The following DCDC2 variants were observed in gnomAD, a reference collection of about 807,000 sequenced individuals.
DCDC2 encodes doublecortin domain-containing protein 2.
Under a neutral mutation model 50.2 loss-of-function variants are expected in DCDC2, and 40 were observed. The observed-to-expected ratio is 0.80, with a 90% CI of 0.62 to 1.04. The LOEUF (loss-of-function observed/expected upper bound fraction) is 1.04, where lower values mean the gene tolerates loss of function less well. DCDC2 is among the 50% of genes least tolerant of loss of function. DCDC2 has a pLI of 0.00. For synonymous variants in DCDC2, 234 were observed against 210.6 expected (o/e 1.11, Z -0.96); for missense variants, 570 against 581.9 (o/e 0.98, Z 0.21).
chr6:24,378,433 C>T, the DCDC2 span, among the ~76,000 whole-genome samples: 2 of 152,266 alleles, frequency 1.3e-5, no homozygotes, highest in African/African-American at 4.8e-5. Flanking sequence ...ACCTCTGTCC[C>T]TTCTGCTGGG....
chr6:24,174,560 T>C lies in DCDC2; in HGVS notation c.*170A>G. On this transcript the variant is annotated 3_prime_UTR_variant, in exon 10 of 10. Transcript: ENST00000378454. ...ATAAAAGTAAGTAATTATCCTTTAG[T>C]AGCCATTTAAAGTTATCTGGTCTTT... 1 of 466,758 alleles carries C rather than the reference T, an allele frequency of 2.1e-6. No individual in the cohort carries two copies. The highest frequency in any genetic ancestry group is 3.1e-5 in the East Asian group (1 of 32,158). 28.9% of individuals were successfully genotyped at this position (466,758 alleles called of 1,614,324 possible).
chr6:24,189,952 A>T (rs1018155459), intron 8 of DCDC2, among the ~76,000 whole-genome samples: 1 of 152,098 alleles, frequency 6.6e-6, no homozygotes, highest in African/African-American at 2.4e-5. Context: ...TTCTGTTCCC[A>T]TGGAAACTAA....
At chr6:24,194,848 T>A (rs1013664338) in intron 8 of DCDC2, among the ~76,000 whole-genome samples, 6 of 152,130 alleles carry the variant, frequency 3.9e-5, no homozygotes, top group African/African-American at 1.2e-4. Flanking sequence ...TAAACTCACC[T>A]CTGAGAAAAC....
At chr6:24,268,308 GA>G (rs1561750917) in intron 7 of DCDC2, among the ~76,000 whole-genome samples, 1 of 152,104 alleles carries the variant, frequency 6.6e-6, no homozygotes, top group African/African-American at 2.4e-5. Flanking sequence ...CCAACATGGC[GA>G]AGTCCCATCT....
chr6:24,261,474 G>A lies in DCDC2; in HGVS notation c.922+16575C>T, dbSNP rs144588384. On this transcript the variant is annotated intron_variant, in intron 7 of 9. Coordinates refer to ENST00000378454, the MANE Select transcript of DCDC2 (RefSeq NM_016356.5). ...GCCTGAGTATGGGATGGGCTGGAGT[G>A]CCAGGGAGGTAATTCTCCAAGTAAA... is the stretch of plus-strand genomic sequence containing the variant. Among the ~76,000 whole-genome samples, 216 of 152,070 alleles carry A rather than the reference G, an allele frequency of 1.4e-3. 1 individual carries two copies. Among genetic ancestry groups the A allele is most frequent in the African/African-American group, 5.0e-3 (206 of 41,482 alleles).
intron 7 of DCDC2, among the ~76,000 whole-genome samples, chr6:24,243,468 A>C (rs1762605498): frequency 6.6e-6 from 1 of 152,356 alleles, no homozygotes; most frequent in South Asian, 2.1e-4. Flanking sequence ...GTCTTACCTC[A>C]TGGGGTCATT....
At chr6:24,277,740 T>C (rs1489537643) in intron 7 of DCDC2, among the ~76,000 whole-genome samples, 1 of 152,084 alleles carries the variant, frequency 6.6e-6, no homozygotes, top group African/African-American at 2.4e-5. Flanking sequence ...ACCAATATCA[T>C]AGTAGTTGTA....
At chr6:24,263,116 G>A (rs913271226) in intron 7 of DCDC2, among the ~76,000 whole-genome samples, 1 of 152,244 alleles carries the variant, frequency 6.6e-6, no homozygotes, top group Non-Finnish European at 1.5e-5. Flanking sequence ...TCTTACCCCA[G>A]ATCACCAAGA....
intron 7 of DCDC2, among the ~76,000 whole-genome samples, chr6:24,277,644 TAACA>T (rs1422496246): frequency 6.6e-6 from 1 of 152,182 alleles, no homozygotes; most frequent in Non-Finnish European, 1.5e-5. Context: ...TCAGTATAAT[TAACA>T]AAATGACTTT....
At chr6:24,193,281 T>C (rs73391965) in intron 8 of DCDC2, among the ~76,000 whole-genome samples, 5,814 of 152,002 alleles carry the variant, frequency 0.038, 361 homozygotes, top group African/African-American at 0.13. Context: ...GTAACCAAGA[T>C]AGAGGAAGAC....
At chr6:24,252,256 C>T (rs768349687) in intron 7 of DCDC2, among the ~76,000 whole-genome samples, 10 of 152,168 alleles carry the variant, frequency 6.6e-5, no homozygotes, top group African/African-American at 9.7e-5. Flanking sequence ...ATATTATATA[C>T]TTCCTTGTAC....
In DCDC2 at chr6:24,186,499, A is replaced by C. The variant is rs1761206933; in HGVS notation, c.1024-7867T>G. 2.0e-5 allele frequency among the ~76,000 whole-genome samples: 3 copies of C among 152,174 alleles called. No individual in the cohort carries two copies. The South Asian group carries it at 6.2e-4, about 31-fold the overall frequency. ...CGTGCACATGCGTGCATGTGCGCAC[A>C]CACACACTTCTTATTGAAGAACAGT... On this transcript the variant is annotated intron_variant, in intron 8 of 9. Transcript: ENST00000378454.
chr6:24,292,143 T>C (rs1453148102), intron 4 of DCDC2, among the ~76,000 whole-genome samples: 1 of 152,096 alleles, frequency 6.6e-6, no homozygotes, highest in Non-Finnish European at 1.5e-5. Flanking sequence ...CAGTCATAAT[T>C]TTACCAGATG....
chr6:24,271,224 A>AAAAAAAAG lies in DCDC2; in HGVS notation c.922+6824_922+6825insCTTTTTTT, dbSNP rs919124775. The stretch of plus-strand genomic sequence containing the variant: ...CACTCCCTCAAAAAAAAAAAAAAAA[A>AAAAAAAAG]AGAGAGAGAGAGAGAGAAAGAAAGA... On this transcript the variant is annotated intron_variant, in intron 7 of 9. Coordinates refer to ENST00000378454, the MANE Select transcript of DCDC2 (RefSeq NM_016356.5). Among the ~76,000 whole-genome samples, 653 of 142,670 alleles carry AAAAAAAAG rather than the reference A, an allele frequency of 4.6e-3. 27 individuals carry two copies. The highest frequency in any genetic ancestry group is 0.017 in the African/African-American group (610 of 36,770). The allele number at this position is 142,670 out of a possible 152,430, so 93.6% of individuals were successfully genotyped here. A position where few individuals can be genotyped will look rare whatever the true frequency, so the allele number is the denominator to read the frequency against.
At chr6:24,284,078 C>T (rs2113824428) in intron 6 of DCDC2, among the ~76,000 whole-genome samples, 1 of 152,242 alleles carries the variant, frequency 6.6e-6, no homozygotes, top group East Asian at 1.9e-4. Flanking sequence ...ATCTCTGGGC[C>T]CTGAAGCACC....
chr6:24,343,904 C>T (rs566764433), intron 2 of DCDC2, among the ~76,000 whole-genome samples: 14 of 152,152 alleles, frequency 9.2e-5, no homozygotes, highest in South Asian at 2.1e-4. Flanking sequence ...TATATGGGCA[C>T]GCTGTGGGAT....
chr6:24,358,913 T>A (rs62636446), upstream of DCDC2, among the ~76,000 whole-genome samples: 1 of 8,780 alleles, frequency 1.1e-4, no homozygotes, highest in African/African-American at 8.6e-4. Flanking sequence ...TATTATATAT[T>A]ATATATATTA....
At chr6:24,325,802 A>G (rs1381932230) in intron 2 of DCDC2, among the ~76,000 whole-genome samples, 2 of 149,240 alleles carry the variant, frequency 1.3e-5, no homozygotes, top group Non-Finnish European at 3.0e-5. Flanking sequence ...TTAAAAATAT[A>G]TATATTATAC....
At chr6:24,224,260 T>C (rs793842) in intron 7 of DCDC2, among the ~76,000 whole-genome samples, 73,960 of 152,096 alleles carry the variant, frequency 0.49, 20,724 homozygotes, top group Non-Finnish European at 0.61. Flanking sequence ...GTTCATTCTC[T>C]GAGCACCAAC....
Sources: gnomAD v4.1 joint callset for allele counts (sites outside exome capture counted in the v4.1 genomes callset) on GRCh38, gnomAD v4.1.1 for gene constraint, MANE v1.5 for transcripts, NCBI Gene and HGNC (gene_info 2026-07-23, HGNC 2026-07-21) for gene names.